Variants in NVL observed in about 807,000 individuals in gnomAD.
NVL encodes nuclear valosin-containing protein-like.
Under a neutral mutation model 110.2 loss-of-function variants are expected in NVL, and 84 were observed. The observed-to-expected ratio is 0.76, with a 90% CI of 0.64 to 0.91. The LOEUF is 0.91. Among genes scored for constraint, NVL ranks in the 40% least tolerant of loss-of-function variants. The pLI, the probability that NVL is intolerant of heterozygous loss-of-function variation, is 0.00. For missense variants in NVL, 882 were observed against 1,035.9 expected (o/e 0.85, Z 2.04); for synonymous variants, 354 against 361.1 (o/e 0.98, Z 0.22).
intron 19 of NVL, among the ~76,000 whole-genome samples, chr1:224,245,357 C>CA (rs1195391178): frequency 2.6e-5 from 4 of 152,160 alleles, no homozygotes; most frequent in Non-Finnish European, 4.4e-5. Flanking sequence ...GCTTTTTAAA[C>CA]AAAAACATTC....
At chr1:224,295,231 C>A (rs1317437545) in intron 11 of NVL, among the ~76,000 whole-genome samples, 2 of 151,484 alleles carry the variant, frequency 1.3e-5, no homozygotes, top group African/African-American at 4.9e-5. Flanking sequence ...CTCGCTCTGT[C>A]GCCCAGGCTG....
chr1:224,295,215 C>T (rs1269555376), intron 11 of NVL, among the ~76,000 whole-genome samples: 16 of 150,868 alleles, frequency 1.1e-4, no homozygotes, highest in Admixed American at 9.2e-4. Flanking sequence ...TTTTTTGAGA[C>T]GGAGTCTCGC....
In NVL at chr1:224,306,244, G is replaced by A. The variant is rs1668898755; in HGVS notation, c.616-1078C>T. 3.3e-5 allele frequency among the ~76,000 whole-genome samples: 5 copies of A among 152,134 alleles called. No homozygotes were observed. The South Asian group carries it at 1.0e-3, about 32-fold the overall frequency. Reference sequence around the variant, plus strand: ...GTGACTGCACTCTAGCCTGGGTGATGTAGCAATATTCCAACTCTTAAAAAA... The same window carrying A: ...GTGACTGCACTCTAGCCTGGGTGATATAGCAATATTCCAACTCTTAAAAAA... On this transcript the variant is annotated intron_variant, in intron 6 of 22. Coordinates refer to ENST00000281701, the MANE Select transcript of NVL (RefSeq NM_002533.4).
At chr1:224,253,107 G>A (rs899323044) in intron 18 of NVL, among the ~76,000 whole-genome samples, 1 of 151,818 alleles carries the variant, frequency 6.6e-6, no homozygotes, top group South Asian at 2.1e-4. Context: ...GTGCAGTGGG[G>A]CGATCTCGGC....
chr1:224,233,810 T>C (rs1660171168), intron 20 of NVL, among the ~76,000 whole-genome samples: 1 of 151,908 alleles, frequency 6.6e-6, no homozygotes, highest in African/African-American at 2.4e-5. Flanking sequence ...AAGGAAATTA[T>C]GGAGGAAACA....
Position 224,287,907 on chromosome 1 carries a change from A to G in NVL, c.1662T>C (p.Asn554=), listed in dbSNP as rs1206508271. Residue 554 remains asparagine (N), a synonymous_variant, in exon 14 of 23, where the codon AAT becomes AAC. Transcript: ENST00000281701. ...CTGAGGATAGAGCAACAATGAAATC[A>G]TTCAGTTCAATGCACAGTCCTTGCA... ...EQMQGLCIEL[N]DFIVALSSVQ... is the part of the protein sequence containing the mutation. 2 of 1,613,980 alleles carry G rather than the reference A, an allele frequency of 1.2e-6. No homozygotes were observed. Among genetic ancestry groups the G allele is most frequent in the African/African-American group, 2.7e-5 (2 of 74,924 alleles).
chr1:224,273,877 G>A (rs900598450), intron 17 of NVL, among the ~76,000 whole-genome samples: 36 of 152,052 alleles, frequency 2.4e-4, no homozygotes, highest in African/African-American at 8.7e-4. Context: ...TTCTATGATG[G>A]TATCAATGAC....
At chr1:224,294,069 G>A (rs1373660090) in intron 12 of NVL, among the ~76,000 whole-genome samples, 198 bp downstream of exon 12, 1 of 152,090 alleles carries the variant, frequency 6.6e-6, no homozygotes, top group Non-Finnish European at 1.5e-5. Context: ...CAAAGTGTTG[G>A]GATTACAGGC....
intron 15 of NVL, 92 bp from the exon 16 acceptor site, chr1:224,281,277 CTG>C: frequency 1.2e-6 from 1 of 838,100 alleles, no homozygotes; most frequent in African/African-American, 2.4e-5. Context: ...TGAAAGGACT[CTG>C]TGTGCGTGTG....
At chr1:224,236,373 A>G in intron 20 of NVL, 133 bp downstream of exon 20, 1 of 668,524 alleles carries the variant, frequency 1.5e-6, no homozygotes, top group Non-Finnish European at 2.6e-6. Flanking sequence ...GATGCCAGAC[A>G]CTTTATGTGC....
At chr1:224,274,270 G>T (rs1459093502) in intron 17 of NVL, among the ~76,000 whole-genome samples, 1 of 151,762 alleles carries the variant, frequency 6.6e-6, no homozygotes, top group Non-Finnish European at 1.5e-5. Context: ...CAGCCTGGGA[G>T]AAAGAGTGAG....
intron 5 of NVL, among the ~76,000 whole-genome samples, chr1:224,310,214 A>G (rs1669377399): frequency 1.3e-5 from 2 of 151,860 alleles, no homozygotes; most frequent in African/African-American, 2.4e-5. Flanking sequence ...AATATAGTGT[A>G]AAAACTATTT....
intron 19 of NVL, among the ~76,000 whole-genome samples, chr1:224,247,639 A>ACTCTGTT (rs1178856394): frequency 2.0e-5 from 3 of 151,562 alleles, no homozygotes; most frequent in Non-Finnish European, 4.4e-5. Flanking sequence ...ACTGCACTCC[A>ACTCTGTT]GCCTGGGCAA....
chr1:224,234,058 G>A (rs1465276277), intron 20 of NVL, among the ~76,000 whole-genome samples: 1 of 152,096 alleles, frequency 6.6e-6, no homozygotes, highest in Non-Finnish European at 1.5e-5. Flanking sequence ...GTCACTTGTG[G>A]CTCCAAGTTC....
intron 5 of NVL, among the ~76,000 whole-genome samples, chr1:224,310,194 A>AAAAG (rs1383196401): frequency 4.0e-5 from 6 of 151,716 alleles, no homozygotes; most frequent in African/African-American, 1.5e-4. Flanking sequence ...AAAAAAAAAA[A>AAAAG]AAAGAAAGAA....
At chr1:224,253,844 C>T (rs1223923211) in intron 18 of NVL, among the ~76,000 whole-genome samples, 3 of 152,026 alleles carry the variant, frequency 2.0e-5, no homozygotes, top group Non-Finnish European at 4.4e-5. Context: ...CCTCCATATC[C>T]TTGCCAACAT....
chr1:224,238,605 G>A (rs531606551), intron 19 of NVL, among the ~76,000 whole-genome samples: 4 of 152,184 alleles, frequency 2.6e-5, no homozygotes, highest in Admixed American at 1.3e-4. Flanking sequence ...AATCCATTTT[G>A]ACCTGGGACA....
At position 224,311,918 on chromosome 1, in the gene NVL, C is replaced by A. The variant is rs187387768; in HGVS notation, c.285-61G>T. The A allele has an allele frequency of 9.7e-4, 1,218 of 1,261,792 alleles. 12 individuals carry two copies. The African/African-American group carries it at 0.016, about 16-fold the overall frequency. The allele number at this position is 1,261,792 out of a possible 1,614,324, so 78.2% of individuals were successfully genotyped here. A position where few individuals can be genotyped will look rare whatever the true frequency, so the allele number is the denominator to read the frequency against. ...TCTCTCCCATATCCTAAAAAAATGA[C>A]TACCCAAAACAAGTAAATATATTCA... On this transcript the variant is annotated intron_variant, in intron 4 of 22. Transcript: ENST00000281701.
chr1:224,228,888 G>C (rs1659513684), intron 22 of NVL, among the ~76,000 whole-genome samples: 1 of 127,006 alleles, frequency 7.9e-6, no homozygotes, highest in African/African-American at 3.1e-5. Flanking sequence ...GCAGTGAGCC[G>C]AGATCGCGCC....
Sources: gnomAD v4.1 joint callset for allele counts (sites outside exome capture counted in the v4.1 genomes callset) on GRCh38, gnomAD v4.1.1 for gene constraint, MANE v1.5 for transcripts, NCBI Gene and HGNC (gene_info 2026-07-23, HGNC 2026-07-21) for gene names.